Variants in ADAM18 observed in about 807,000 individuals in gnomAD.
ADAM18 encodes disintegrin and metalloproteinase domain-containing protein 18.
A neutral mutation model predicts 94.4 loss-of-function variants in ADAM18; 117 were observed. The observed-to-expected ratio is 1.24, with a 90% CI of 1.07 to 1.45. The LOEUF is 1.45. Ranked by LOEUF, ADAM18 falls within the 40% of genes most tolerant of loss-of-function variation. ADAM18 has a pLI of 0.00. For missense variants in ADAM18, 936 were observed against 880.0 expected (o/e 1.06, Z -0.81); for synonymous variants, 327 against 291.6 (o/e 1.12, Z -1.24).
At chr8:39,677,276 T>A (rs142419787) in intron 14 of ADAM18, among the ~76,000 whole-genome samples, 155 bp from the exon 15 acceptor site, 1 of 152,232 alleles carries the variant, frequency 6.6e-6, no homozygotes. Flanking sequence ...AAGACAATTA[T>A]TTCTTTCTAC....
intron 17 of ADAM18, among the ~76,000 whole-genome samples, chr8:39,705,141 T>C (rs1563314188): frequency 6.6e-6 from 1 of 152,114 alleles, no homozygotes; most frequent in Non-Finnish European, 1.5e-5. Context: ...CAGGGAAGAG[T>C]CTGATGCTAT....
At chr8:39,643,284 C>T (rs1319120042) in intron 10 of ADAM18, among the ~76,000 whole-genome samples, 1 of 152,024 alleles carries the variant, frequency 6.6e-6, no homozygotes, top group Non-Finnish European at 1.5e-5. Context: ...GATTGCCTTG[C>T]TAGAACTTTT....
At chr8:39,627,915 A>G (rs1056167832) in intron 6 of ADAM18, among the ~76,000 whole-genome samples, 1 of 152,028 alleles carries the variant, frequency 6.6e-6, no homozygotes, top group Non-Finnish European at 1.5e-5. Flanking sequence ...TCTAGTAGTA[A>G]CAAATTCCCT....
chr8:39,680,774 CA>C lies in ADAM18; in HGVS notation c.1821+550del, dbSNP rs555751879. ...GGCTTTAGAGACTTGGTTAATCTTG[CA>C]ATATAAGGGCACATGTTCCAGAAAA... On this transcript the variant is annotated intron_variant, in intron 16 of 19. Transcript: ENST00000265707. Among the ~76,000 whole-genome samples the C allele has an allele frequency of 2.5e-3, 377 of 152,220 alleles. 1 individual carries two copies. Among genetic ancestry groups the C allele is most frequent in the Non-Finnish European group, 4.7e-3 (322 of 68,010 alleles).
intron 2 of ADAM18, among the ~76,000 whole-genome samples, chr8:39,598,801 G>C (rs1053238020): frequency 4.0e-5 from 6 of 151,724 alleles, no homozygotes; most frequent in African/African-American, 1.2e-4. Context: ...AAAAGAAAAG[G>C]GTGTTGGATT....
chr8:39,682,862 G>C (rs1821506422), intron 16 of ADAM18, among the ~76,000 whole-genome samples: 1 of 152,182 alleles, frequency 6.6e-6, no homozygotes, highest in Admixed American at 6.5e-5. Context: ...GAGAATGTTG[G>C]AGAGCTTGAC....
chr8:39,614,697 A>G (rs1047503284), intron 6 of ADAM18, among the ~76,000 whole-genome samples: 2 of 152,172 alleles, frequency 1.3e-5, no homozygotes, highest in Non-Finnish European at 2.9e-5. Flanking sequence ...ACCCAACTGT[A>G]TAATTTCTTC....
intron 19 of ADAM18, among the ~76,000 whole-genome samples, chr8:39,725,933 T>G (rs1457369431): frequency 6.6e-6 from 1 of 152,148 alleles, no homozygotes; most frequent in Non-Finnish European, 1.5e-5. Flanking sequence ...GTCATACTGT[T>G]TTCCATAATG....
At chr8:39,622,755 A>G (rs547431117) in intron 6 of ADAM18, among the ~76,000 whole-genome samples, 1 of 152,348 alleles carries the variant, frequency 6.6e-6, no homozygotes, top group Non-Finnish European at 1.5e-5. Flanking sequence ...ATAATAAGTT[A>G]CATAACTTAA....
intron 18 of ADAM18, among the ~76,000 whole-genome samples, chr8:39,714,955 T>C (rs1822530019): frequency 6.6e-6 from 1 of 152,102 alleles, no homozygotes; most frequent in African/African-American, 2.4e-5. Flanking sequence ...ATAATTGACC[T>C]TAATACCATG....
intron 17 of ADAM18, among the ~76,000 whole-genome samples, chr8:39,694,258 AT>A (rs1821861236): frequency 6.6e-6 from 1 of 151,328 alleles, no homozygotes; most frequent in East Asian, 1.9e-4. Context: ...AATTAAAATT[AT>A]TCTTTTATTT....
intron 15 of ADAM18, among the ~76,000 whole-genome samples, chr8:39,679,228 C>G (rs1414424387): frequency 1.1e-4 from 16 of 152,048 alleles, no homozygotes; most frequent in Admixed American, 9.8e-4. Context: ...CTAAGAGGAG[C>G]CTTTTGATGA....
At chr8:39,631,923 T>C (rs1819941286) in intron 7 of ADAM18, among the ~76,000 whole-genome samples, 1 of 152,024 alleles carries the variant, frequency 6.6e-6, no homozygotes, top group South Asian at 2.1e-4. Flanking sequence ...TGTGATGCCC[T>C]AGTAAATGGT....
chr8:39,675,663 G>A (rs187175603), intron 14 of ADAM18, among the ~76,000 whole-genome samples: 270 of 152,238 alleles, frequency 1.8e-3, no homozygotes, highest in Non-Finnish European at 3.1e-3. Flanking sequence ...GCTTTGTTCC[G>A]TTGCTGGCGA....
intron 14 of ADAM18, among the ~76,000 whole-genome samples, chr8:39,676,257 G>A (rs950369595): frequency 7.2e-5 from 11 of 152,216 alleles, no homozygotes; most frequent in Non-Finnish European, 1.5e-4. Context: ...CCACAGAGGT[G>A]GAGTCTAGAG....
chr8:39,689,808 A>G (rs945682466), intron 16 of ADAM18, among the ~76,000 whole-genome samples: 1 of 152,114 alleles, frequency 6.6e-6, no homozygotes, highest in African/African-American at 2.4e-5. Context: ...TTTCAGCTAT[A>G]TTGATTCTTC....
intron 13 of ADAM18, among the ~76,000 whole-genome samples, chr8:39,665,103 T>A (rs1026750156): frequency 2.6e-5 from 4 of 152,152 alleles, no homozygotes; most frequent in African/African-American, 9.7e-5. Flanking sequence ...AGTCCATGAC[T>A]CCACCCGCAG....
In ADAM18 at chr8:39,662,234, A is replaced by G. The variant is rs546512053; in HGVS notation, c.1231-1561A>G. On this transcript the variant is annotated intron_variant, in intron 12 of 19. Coordinates refer to ENST00000265707, the MANE Select transcript of ADAM18 (RefSeq NM_014237.3). ...AGGGAGAGCGTCTTCATTAATTACTAGTGAAAGAATATATACACACACATA... is the reference window on the plus strand; with the variant it reads ...AGGGAGAGCGTCTTCATTAATTACTGGTGAAAGAATATATACACACACATA... Among the ~76,000 whole-genome samples the G allele has an allele frequency of 2.0e-5, 3 of 152,182 alleles. No homozygotes were observed. The South Asian group carries it at 6.2e-4, about 32-fold the overall frequency.
intron 19 of ADAM18, among the ~76,000 whole-genome samples, chr8:39,726,050 C>A (rs1002361643): frequency 6.6e-6 from 1 of 151,954 alleles, no homozygotes; most frequent in Non-Finnish European, 1.5e-5. Flanking sequence ...ACTATGTTAA[C>A]CTAAGATGTA....
Sources: allele counts gnomAD v4.1 joint callset (sites outside exome capture counted in the v4.1 genomes callset), GRCh38; gene constraint gnomAD v4.1.1; transcripts MANE v1.5; gene names NCBI Gene and HGNC (gene_info 2026-07-23, HGNC 2026-07-21).